Variants in PATJ observed in about 807,000 individuals in gnomAD.
PATJ encodes the protein inaD-like protein.
PATJ carries 190 observed loss-of-function variants against 224.9 expected under a neutral mutation model. The observed-to-expected ratio is 0.84, with a 90% CI of 0.75 to 0.95. The LOEUF is 0.95. Among genes scored for constraint, PATJ ranks in the 40% least tolerant of loss-of-function variants. The probability of loss-of-function intolerance (pLI) is 0.00; values close to 1 mark genes in which losing one functional copy is unlikely to be tolerated. For missense variants in PATJ, 2,121 were observed against 2,270.3 expected (o/e 0.93, Z 1.34); for synonymous variants, 769 against 820.3 (o/e 0.94, Z 1.07).
chr1:61,814,519 A>AGAGTGTGT (rs367764161), intron 14 of PATJ, among the ~76,000 whole-genome samples: 1 of 143,978 alleles, frequency 6.9e-6, no homozygotes, highest in African/African-American at 2.6e-5. Context: ...CCTTTTGTTT[A>AGAGTGTGT]GTGTGTGTGT....
intron 27 of PATJ, among the ~76,000 whole-genome samples, chr1:61,953,325 A>C (rs1679991575): frequency 6.6e-6 from 1 of 152,188 alleles, no homozygotes; most frequent in Non-Finnish European, 1.5e-5. Context: ...TTTTATTTTC[A>C]GCAGTGCACA....
At chr1:62,079,984 C>G (rs906431868) in intron 32 of PATJ, among the ~76,000 whole-genome samples, 1 of 150,642 alleles carries the variant, frequency 6.6e-6, no homozygotes, top group Non-Finnish European at 1.5e-5. Context: ...GCTGAGATTG[C>G]ACCACTGCAC....
chr1:62,118,221 T>C (rs572958551), intron 37 of PATJ, among the ~76,000 whole-genome samples: 7 of 151,298 alleles, frequency 4.6e-5, no homozygotes, highest in South Asian at 4.2e-4. Context: ...CTGGCTTACA[T>C]AATGGGCAGC....
chr1:62,131,641 T>C (rs1183660181), intron 41 of PATJ, among the ~76,000 whole-genome samples: 1 of 150,894 alleles, frequency 6.6e-6, no homozygotes, highest in Non-Finnish European at 1.5e-5. Context: ...AGAGTCAGAC[T>C]CCGTCTCAAA....
At chr1:61,870,643 G>A (rs201312476) in intron 20 of PATJ, among the ~76,000 whole-genome samples, 2 of 152,230 alleles carry the variant, frequency 1.3e-5, no homozygotes, top group East Asian at 1.9e-4. Context: ...GGATATTTAG[G>A]TTGTTTCTAC....
chr1:62,086,829 C>T lies in PATJ; in HGVS notation c.4377+2181C>T, dbSNP rs553495948. Among the ~76,000 whole-genome samples, 21 of 152,274 alleles carry T rather than the reference C, an allele frequency of 1.4e-4. No individual in the cohort carries two copies. The highest frequency in any genetic ancestry group is 4.1e-4 in the African/African-American group (17 of 41,558). ...TTGTAGGATGGAGTTCATGAGAGAG[C>T]GAGTGCAGGACCCAGCTGGCTGCTT... On this transcript the variant is annotated intron_variant, in intron 33 of 43. Transcript: ENST00000642238. This position sits in a 1 kb window ranked among gnomAD's most constrained non-coding sequence, Gnocchi z 4.0.
Position 61,827,512 on chromosome 1 carries a change from C to T in PATJ, c.1909C>T (p.Arg637Trp), listed in dbSNP as rs376386795. 8.2e-5 allele frequency: 132 copies of T among 1,613,976 alleles called. No homozygotes were observed. Among genetic ancestry groups the T allele is most frequent in the South Asian group, 3.8e-4 (35 of 91,054 alleles). Residue 637 changes from arginine to tryptophan, a missense_variant, in exon 16 of 44, where the codon CGG (arginine) becomes TGG (tryptophan). Physicochemically the swap from Arg to Trp is moderately radical, Grantham distance 101 (BLOSUM62 -3). Coordinates refer to ENST00000642238, the MANE Select transcript of PATJ (RefSeq NM_001350145.3). The stretch of plus-strand genomic sequence containing the variant: ...ACCCCCTTTTACTTTGGTTTGCTGT[C>T]GGAGGTTGTTTGATGATGAAGCTTC... ...VPPPFTLVCCRRLFDDEASVD... is the reference protein window; with the variant it reads ...VPPPFTLVCCWRLFDDEASVD...
intron 1 of PATJ, among the ~76,000 whole-genome samples, chr1:61,761,935 G>GC (rs1011541143): frequency 9.9e-5 from 15 of 152,168 alleles, no homozygotes; most frequent in African/African-American, 3.6e-4. Flanking sequence ...TGATCCTCCT[G>GC]CCTCGGCCTC....
rs1272838164 is a variant in PATJ, at chr1:61,861,543, A to AT, written c.2323-4dup. ...TTATTTATAAATAAAAGTGGTTTAT[A>AT]TTTTCAGGAAGATAATGAAGAAGAA... On this transcript the variant is annotated splice_polypyrimidine_tract_variant and splice_region_variant and intron_variant, in intron 18 of 43. Coordinates refer to ENST00000642238, the MANE Select transcript of PATJ (RefSeq NM_001350145.3). 4 of 1,216,816 alleles carry AT rather than the reference A, an allele frequency of 3.3e-6. No individual in the cohort carries two copies. The highest frequency in any genetic ancestry group is 4.7e-6 in the Non-Finnish European group (4 of 858,258). The allele number at this position is 1,216,816 out of a possible 1,614,324, so 75.4% of individuals were successfully genotyped here.
chr1:62,155,239 G>A (rs1208108875), intron 43 of PATJ, among the ~76,000 whole-genome samples: 10 of 152,116 alleles, frequency 6.6e-5, no homozygotes, highest in Non-Finnish European at 1.2e-4. Flanking sequence ...GCAGTCACCC[G>A]TTCACTTCAT....
chr1:61,864,745 A>G, intron 20 of PATJ, 112 bp downstream of exon 20: 1 of 907,918 alleles, frequency 1.1e-6, no homozygotes, highest in Non-Finnish European at 1.6e-6. Context: ...CCTTTCCGTA[A>G]GTCGTCACTG....
At chr1:61,941,989 CAT>C (rs1212342262) in intron 27 of PATJ, among the ~76,000 whole-genome samples, 1 of 152,172 alleles carries the variant, frequency 6.6e-6, no homozygotes, top group African/African-American at 2.4e-5. Context: ...TCATTCTTAA[CAT>C]GTGCTGTCAC....
chr1:62,161,032 T>C lies in PATJ; in HGVS notation c.5627T>C (p.Val1876Ala), dbSNP rs934803676. 8.2e-6 allele frequency: 13 copies of C among 1,586,914 alleles called. No homozygotes were observed. The highest frequency in any genetic ancestry group is 1.1e-5 in the Non-Finnish European group (13 of 1,167,354). The change falls in exon 44 of 44, where the codon GTA becomes GCA. Residue 1876 changes from valine to alanine, a missense_variant. By Grantham distance (64) the Val-to-Ala change is moderately conservative. Coordinates refer to ENST00000642238, the MANE Select transcript of PATJ (RefSeq NM_001350145.3). Reference protein sequence around the residue: ...VAILKHQRGTVTLTVLS With the variant: ...VAILKHQRGTATLTVLS ...ATTCTAAAACACCAGAGAGGGACTG[T>C]AACCTTAACTGTGCTGTCATGAGCC...
chr1:62,074,413 T>C (rs1657961119), intron 31 of PATJ, among the ~76,000 whole-genome samples: 1 of 151,794 alleles, frequency 6.6e-6, no homozygotes, highest in African/African-American at 2.4e-5. Flanking sequence ...ATAACCAAAT[T>C]CAGTTCAACT....
At chr1:62,139,941 G>A (rs1413022475) in intron 41 of PATJ, among the ~76,000 whole-genome samples, 3 of 151,758 alleles carry the variant, frequency 2.0e-5, no homozygotes, top group Non-Finnish European at 2.9e-5. Flanking sequence ...TGTATTTTTT[G>A]TAGAGTCAGG....
rs778612776 is a variant in PATJ at position 62,116,547 on chromosome 1, G to A, written c.4671G>A (p.Val1557=). Residue 1557 remains valine, a synonymous_variant, in exon 36 of 44, where the codon GTG becomes GTA. Coordinates refer to ENST00000642238, the MANE Select transcript of PATJ (RefSeq NM_001350145.3). ...SIVGKRNGSG[V]FISDIVKGGA... is the part of the protein sequence containing the mutation. ...GTATTAACAGAAATGGAAGCGGAGT[G>A]TTTATTTCTGACATCGTGAAAGGCG... The A allele has an allele frequency of 6.1e-5, 99 of 1,613,924 alleles. No homozygotes were observed. The South Asian group carries it at 1.1e-3, about 17-fold the overall frequency.
intron 18 of PATJ, among the ~76,000 whole-genome samples, chr1:61,860,444 G>T (rs1049561018): frequency 1.3e-5 from 2 of 152,122 alleles, no homozygotes; most frequent in African/African-American, 4.8e-5. Flanking sequence ...GACAGCTATG[G>T]GTTTTTGCTT....
intron 15 of PATJ, among the ~76,000 whole-genome samples, chr1:61,826,465 G>T (rs575775509): frequency 6.6e-6 from 1 of 152,312 alleles, no homozygotes; most frequent in Admixed American, 6.5e-5. Context: ...GATGCGAAAA[G>T]ATTATTTGTT....
rs1225121108 is a variant in PATJ, at chr1:61,938,662, C to T, written c.3670+10833C>T. The stretch of plus-strand genomic sequence containing the variant: ...CCCAGGAGTCTGAGACCAGCCTGGA[C>T]AACATAGTGAGACCTCATCTCTGTT... On this transcript the variant is annotated intron_variant, in intron 27 of 43. Transcript: ENST00000642238. Among the ~76,000 whole-genome samples the T allele has an allele frequency of 2.0e-5, 3 of 152,118 alleles. No homozygotes were observed. The South Asian group carries it at 6.2e-4, about 32-fold the overall frequency.
Sources: allele counts gnomAD v4.1 joint callset (sites outside exome capture counted in the v4.1 genomes callset), GRCh38; gene constraint gnomAD v4.1.1; non-coding constraint Gnocchi (gnomAD v3.1); transcripts MANE v1.5; gene names NCBI Gene and HGNC (gene_info 2026-07-23, HGNC 2026-07-21).